Variants in ABTB2 observed in about 807,000 individuals in gnomAD.
ABTB2 encodes ankyrin repeat and BTB/POZ domain-containing protein 2.
ABTB2 carries 56 observed loss-of-function variants against 104.1 expected under a neutral mutation model. The observed-to-expected ratio is 0.54, with a 90% CI of 0.43 to 0.67. The LOEUF (loss-of-function observed/expected upper bound fraction) is 0.67. Ranked by LOEUF, ABTB2 falls within the 30% of genes least tolerant of loss-of-function variation. ABTB2 has a pLI of 0.00. For missense variants in ABTB2, 1,279 were observed against 1,407.7 expected (o/e 0.91, Z 1.46); for synonymous variants, 606 against 608.2 (o/e 1.00, Z 0.05).
intron 1 of ABTB2, among the ~76,000 whole-genome samples, chr11:34,221,296 G>C (rs1014493539): frequency 6.6e-6 from 1 of 152,080 alleles, no homozygotes; most frequent in African/African-American, 2.4e-5. Context: ...TAAGGACATC[G>C]GCCATACTGA....
At chr11:34,190,833 A>G (rs1317009338) in intron 3 of ABTB2, among the ~76,000 whole-genome samples, 1 of 152,182 alleles carries the variant, frequency 6.6e-6, no homozygotes, top group Non-Finnish European at 1.5e-5. Context: ...GCCTGCTCTG[A>G]GTGTCAAACA....
Position 34,197,374 on chromosome 11 carries a change from T to C in ABTB2, c.1195A>G (p.Met399Val). ...GGGGGGTCCAGGTTGGGGTTCTCCA[T>C]GGACTCCATCTGTGGACACCGCAGA... The part of the protein sequence containing the change: ...YFLRCPQMES[M>V]ENPNLDPPRM... Residue 399 changes from methionine (M) to valine (V), a missense_variant, in exon 3 of 17, where the codon ATG (methionine) becomes GTG (valine). Physicochemically the swap from Met to Val is conservative, Grantham distance 21 (BLOSUM62 1). Coordinates refer to ENST00000435224, the MANE Select transcript of ABTB2 (RefSeq NM_145804.3). 4 of 1,614,024 alleles carry C rather than the reference T, an allele frequency of 2.5e-6. No individual in the cohort carries two copies. Among genetic ancestry groups the C allele is most frequent in the Non-Finnish European group, 2.5e-6 (3 of 1,179,960 alleles).
intron 2 of ABTB2, 78 bp downstream of exon 2, chr11:34,204,466 G>A (rs370402226): frequency 1.4e-5 from 21 of 1,468,512 alleles, no homozygotes; most frequent in Non-Finnish European, 1.7e-5. Flanking sequence ...AGGAGGAGGC[G>A]AGCTCTCCCT....
chr11:34,346,646 T>C (rs1442155108), intron 1 of ABTB2, among the ~76,000 whole-genome samples: 2 of 152,154 alleles, frequency 1.3e-5, no homozygotes, highest in Non-Finnish European at 2.9e-5. Flanking sequence ...ACAGTGTCCA[T>C]GTGGGGTCTA....
At chr11:34,339,103 C>A (rs1025936545) in intron 1 of ABTB2, among the ~76,000 whole-genome samples, 2 of 152,126 alleles carry the variant, frequency 1.3e-5, no homozygotes, top group Non-Finnish European at 2.9e-5. Context: ...TCACATCATC[C>A]CTGGGAGGTA....
chr11:34,337,242 G>T (rs1259819186), intron 1 of ABTB2, among the ~76,000 whole-genome samples: 1 of 152,246 alleles, frequency 6.6e-6, no homozygotes, highest in Non-Finnish European at 1.5e-5. Context: ...CCTGTCTGGG[G>T]AGAAGAGTTG....
At chr11:34,317,566 A>C (rs917669344) in intron 1 of ABTB2, among the ~76,000 whole-genome samples, 8 of 152,084 alleles carry the variant, frequency 5.3e-5, no homozygotes, top group African/African-American at 1.9e-4. Flanking sequence ...TCAGTATAGG[A>C]GTTCAAGACC....
At chr11:34,184,349 C>T (rs1004870503) in intron 3 of ABTB2, among the ~76,000 whole-genome samples, 1 of 151,036 alleles carries the variant, frequency 6.6e-6, no homozygotes, top group Non-Finnish European at 1.5e-5. Context: ...AAGGTGGCTT[C>T]TGGGAAGGCA....
chr11:34,343,079 G>C (rs1590264091), intron 1 of ABTB2, among the ~76,000 whole-genome samples: 1 of 151,966 alleles, frequency 6.6e-6, no homozygotes, highest in East Asian at 1.9e-4. Flanking sequence ...AAGCAATCCT[G>C]CTGCCTCAGC....
At chr11:34,181,007 C>T (rs1260592719) in intron 3 of ABTB2, among the ~76,000 whole-genome samples, 4 of 152,194 alleles carry the variant, frequency 2.6e-5, no homozygotes, top group African/African-American at 7.2e-5. Flanking sequence ...CTGGTGCAAG[C>T]GATTCTTCTG....
At chr11:34,353,004 G>A (rs1372247811) in intron 1 of ABTB2, among the ~76,000 whole-genome samples, 5 of 152,358 alleles carry the variant, frequency 3.3e-5, no homozygotes, top group Non-Finnish European at 5.9e-5. Context: ...CAAGGTTGCA[G>A]TGAACTACGA....
intron 1 of ABTB2, among the ~76,000 whole-genome samples, chr11:34,306,068 T>G (rs1854766858): frequency 6.6e-6 from 1 of 152,086 alleles, no homozygotes; most frequent in Admixed American, 6.6e-5. Context: ...AAGTCTATTC[T>G]CTAAGAACAG....
At chr11:34,337,114 G>A (rs1454244732) in intron 1 of ABTB2, among the ~76,000 whole-genome samples, 1 of 152,266 alleles carries the variant, frequency 6.6e-6, no homozygotes, top group Non-Finnish European at 1.5e-5. Flanking sequence ...CTGAGTGCAA[G>A]TGAGTGGATT....
intron 1 of ABTB2, among the ~76,000 whole-genome samples, chr11:34,273,236 T>C (rs908919668): frequency 6.6e-6 from 1 of 152,200 alleles, no homozygotes; most frequent in Non-Finnish European, 1.5e-5. Context: ...CTTTGGTTAA[T>C]GGTTGTGATG....
chr11:34,311,915 C>T (rs1010587540), intron 1 of ABTB2, among the ~76,000 whole-genome samples: 3 of 152,012 alleles, frequency 2.0e-5, no homozygotes, highest in Non-Finnish European at 2.9e-5. Context: ...CCAAGGTGGG[C>T]GGAGCACCTG....
At chr11:34,250,094 A>G (rs1854037718) in intron 1 of ABTB2, among the ~76,000 whole-genome samples, 1 of 152,198 alleles carries the variant, frequency 6.6e-6, no homozygotes, top group South Asian at 2.1e-4. Context: ...AAGGCAGAAA[A>G]GCACAAGCTG....
chr11:34,231,676 T>C (rs1853770927), intron 1 of ABTB2, among the ~76,000 whole-genome samples: 1 of 152,170 alleles, frequency 6.6e-6, no homozygotes, highest in Non-Finnish European at 1.5e-5. Context: ...GTTCAAGCGA[T>C]TCTCCTGCCT....
chr11:34,269,004 G>A (rs573130280), intron 1 of ABTB2, among the ~76,000 whole-genome samples: 1 of 152,284 alleles, frequency 6.6e-6, no homozygotes, highest in South Asian at 2.1e-4. Context: ...TATCTTCTGG[G>A]GGACATGATT....
chr11:34,262,325 A>G (rs1044706933), intron 1 of ABTB2, among the ~76,000 whole-genome samples: 5 of 152,106 alleles, frequency 3.3e-5, no homozygotes, highest in Non-Finnish European at 4.4e-5. Context: ...ATGATTTCCA[A>G]TCTGGGTACC....
Sources: gnomAD v4.1 joint callset for allele counts (sites outside exome capture counted in the v4.1 genomes callset) on GRCh38, gnomAD v4.1.1 for gene constraint, MANE v1.5 for transcripts, NCBI Gene and HGNC (gene_info 2026-07-23, HGNC 2026-07-21) for gene names.